The following LGI3 variants were observed in gnomAD, a reference collection of about 807,000 sequenced individuals.
LGI3 encodes the protein leucine rich repeat LGI family member 3, also known as leucine-rich repeat LGI family member 3.
A neutral mutation model predicts 55.4 loss-of-function variants in LGI3; 47 were observed. That is an observed-to-expected ratio of 0.85 (90% confidence interval 0.67 to 1.08). The LOEUF (loss-of-function observed/expected upper bound fraction) is 1.08, where lower values mean the gene tolerates loss of function less well. Among genes scored for constraint, LGI3 ranks in the 50% least tolerant of loss-of-function variants. The probability of loss-of-function intolerance (pLI) is 0.00; values close to 1 mark genes in which losing one functional copy is unlikely to be tolerated. For synonymous variants in LGI3, 326 were observed against 315.0 expected, an observed-to-expected ratio of 1.04 and a Z score of -0.37; for missense variants, 664 against 726.3, an observed-to-expected ratio of 0.91 and a Z score of 0.99.
intron 2 of LGI3, 73 bp downstream of exon 2, chr8:22,155,319 T>C: frequency 2.8e-6 from 4 of 1,412,200 alleles, no homozygotes; most frequent in Non-Finnish European, 3.0e-6. Flanking sequence ...ACTCTCCCTC[T>C]CCCCAGCCCA....
In LGI3 at chr8:22,156,711, T is replaced by C; in HGVS notation, c.-169A>G. 8.9e-6 allele frequency: 2 copies of C among 225,316 alleles called. No individual in the cohort carries two copies. Among genetic ancestry groups the C allele is most frequent in the Non-Finnish European group, 1.7e-5 (2 of 117,818 alleles). The allele number at this position is 225,316 out of a possible 1,614,324, so 14.0% of individuals were successfully genotyped here. A position where few individuals can be genotyped will look rare whatever the true frequency, so the allele number is the denominator to read the frequency against. ...CCCTCGGGCGCCGGCTGCGGTCCCC[T>C]CCCCTGCTCGCTCCCGCGATCCGGC... On this transcript the variant is annotated 5_prime_UTR_variant, in exon 1 of 8. Coordinates refer to ENST00000306317, the MANE Select transcript of LGI3 (RefSeq NM_139278.4).
Position 22,148,208 on chromosome 8 carries a change from C to G in LGI3, c.1599G>C (p.Lys533Asn). 1 of 1,613,592 alleles carries G rather than the reference C, an allele frequency of 6.2e-7. No individual in the cohort carries two copies. The highest frequency in any genetic ancestry group is 8.5e-7 in the Non-Finnish European group (1 of 1,179,778). ...TGTGTCTATACACCAGCGTCTGTCC[C>G]TTGAAGCTGGGGGCCAGGAGTAGCT... ...DAQLLLAPSF[K>N]GQTLVYRHIV... is the part of the protein sequence containing the mutation. The change falls in exon 8 of 8, where the codon AAG becomes AAC. Residue 533 changes from lysine to asparagine, a missense_variant. By Grantham distance (94) the Lys-to-Asn change is moderately conservative. Coordinates refer to ENST00000306317, the MANE Select transcript of LGI3 (RefSeq NM_139278.4). This position sits in a 1 kb window ranked among gnomAD's most constrained non-coding sequence, Gnocchi z 7.0.
chr8:22,148,480 T>C lies in LGI3; in HGVS notation c.1327A>G (p.Ile443Val), dbSNP rs769654658. 6.8e-6 allele frequency: 11 copies of C among 1,612,610 alleles called. No individual in the cohort carries two copies. The Admixed American group carries it at 1.0e-4, about 15-fold the overall frequency. ...CAGCGCAGGATCTTGGAGTCGCCAA[T>C]GTAGCGGCTGAGGCACAGGTAGCTG... ...RDSYLCLSRY[I>V]GDSKILRWEG... Residue 443 changes from isoleucine (I) to valine (V), a missense_variant, in exon 8 of 8, where the codon ATT (isoleucine) becomes GTT (valine). Ile to Val is a conservative substitution (Grantham distance 29). Transcript: ENST00000306317. The surrounding 1 kb of genome is among the most constrained non-coding windows in gnomAD (Gnocchi z 7.0).
Position 22,148,658 on chromosome 8 carries a change from G to A in LGI3, c.1149C>T (p.Asp383=), listed in dbSNP as rs749082426. 3.8e-5 allele frequency: 62 copies of A among 1,613,900 alleles called. No homozygotes were observed. The highest frequency in any genetic ancestry group is 1.3e-4 in the Admixed American group (8 of 60,004). ...WHRDTDLEFV[D]GEGKPRLIVS... ...CAATCAGCCGTGGCTTGCCCTCGCCGTCCACAAACTCCAGGTCGGTGTCAC... is the reference window on the plus strand; with the variant it reads ...CAATCAGCCGTGGCTTGCCCTCGCCATCCACAAACTCCAGGTCGGTGTCAC... Residue 383 remains aspartate, a synonymous_variant, in exon 8 of 8, where the codon GAC becomes GAT. Coordinates refer to ENST00000306317, the MANE Select transcript of LGI3 (RefSeq NM_139278.4). This position sits in a 1 kb window ranked among gnomAD's most constrained non-coding sequence, Gnocchi z 7.0.
intron 5 of LGI3, among the ~76,000 whole-genome samples, chr8:22,153,570 C>T (rs763534907): frequency 4.0e-5 from 6 of 151,898 alleles, no homozygotes; most frequent in Non-Finnish European, 5.9e-5. Context: ...GGCGTGGTGG[C>T]GCACACCTAT....
At chr8:22,153,540 A>T (rs1827407771) in intron 5 of LGI3, among the ~76,000 whole-genome samples, 1 of 151,822 alleles carries the variant, frequency 6.6e-6, no homozygotes, top group Non-Finnish European at 1.5e-5. Flanking sequence ...GTCTATACTA[A>T]AAATACAAAA....
rs963920704 is a variant in LGI3, at chr8:22,151,366, T to C, written c.829+123A>G. The C allele has an allele frequency of 2.1e-5, 19 of 915,000 alleles. No homozygotes were observed. The African/African-American group carries it at 2.2e-4, about 10-fold the overall frequency. The allele number at this position is 915,000 out of a possible 1,614,324, so 56.7% of individuals were successfully genotyped here. A position where few individuals can be genotyped will look rare whatever the true frequency, so the allele number is the denominator to read the frequency against. ...CCTCTTCCCAAAGACTGGAAAGTTC[T>C]TGTGGGCAGAGGGTATGTCTCATCT... On this transcript the variant is annotated intron_variant, in intron 7 of 7. Transcript: ENST00000306317.
rs764940344 is a variant in LGI3, at chr8:22,156,331, A to G, written c.206+6T>C. 1.9e-5 allele frequency: 31 copies of G among 1,609,984 alleles called. No homozygotes were observed. Among genetic ancestry groups the G allele is most frequent in the Non-Finnish European group, 1.4e-5 (16 of 1,179,034 alleles). On this transcript the variant is annotated splice_donor_region_variant and intron_variant, in intron 1 of 7. Coordinates refer to ENST00000306317, the MANE Select transcript of LGI3 (RefSeq NM_139278.4). The stretch of plus-strand genomic sequence containing the variant: ...CCAACCCCCAAGGCCAGGGCTGGAC[A>G]CTCACAGGGAGATGACCTCCGAGGG...
intron 4 of LGI3, 33 bp from the exon 5 acceptor site, chr8:22,154,072 C>T: frequency 1.2e-6 from 2 of 1,613,792 alleles, no homozygotes; most frequent in Non-Finnish European, 8.5e-7. Context: ...ATCTGAAGAT[C>T]ATGAGCAAGG....
At chr8:22,155,035 G>A (rs1252122199) in intron 2 of LGI3, 2 of 407,270 alleles carry the variant, frequency 4.9e-6, no homozygotes, top group South Asian at 2.9e-5. Context: ...GCTCTTTCTG[G>A]GAACTCTGAT....
intron 6 of LGI3, 63 bp from the exon 7 acceptor site, chr8:22,151,716 G>A: frequency 6.3e-7 from 1 of 1,584,626 alleles, no homozygotes; most frequent in Admixed American, 1.7e-5. Context: ...CTTGGGTGAT[G>A]GTGGTTGCTT....
chr8:22,148,592 A>G lies in LGI3; in HGVS notation c.1215T>C (p.Ser405=), dbSNP rs373498391. 2.5e-5 allele frequency: 41 copies of G among 1,613,492 alleles called. No individual in the cohort carries two copies. Among genetic ancestry groups the G allele is most frequent in the Non-Finnish European group, 3.2e-5 (38 of 1,179,948 alleles). The stretch of plus-strand genomic sequence containing the variant: ...GGGCCACAAACTGCTTCTGGGTGCG[A>G]CTCCACTGATAGATGACGGGTGCCT... ...SSQAPVIYQW[S]RTQKQFVAQG... The change falls in exon 8 of 8, where the codon AGT becomes AGC. Residue 405 remains serine (S), a synonymous_variant. Coordinates refer to ENST00000306317, the MANE Select transcript of LGI3 (RefSeq NM_139278.4). The surrounding 1 kb of genome is among the most constrained non-coding windows in gnomAD (Gnocchi z 7.0).
intron 2 of LGI3, chr8:22,154,920 C>A (rs961872763): frequency 6.2e-6 from 3 of 485,272 alleles, no homozygotes; most frequent in South Asian, 4.8e-5. Context: ...CCCTCTCCCC[C>A]ACCCTCATTC....
At chr8:22,154,936 C>G (rs760230201) in intron 2 of LGI3, 3 of 463,048 alleles carry the variant, frequency 6.5e-6, no homozygotes, top group Non-Finnish European at 1.2e-5. Context: ...CATTCTGTCC[C>G]ATTCCAGCCC....
intron 7 of LGI3, among the ~76,000 whole-genome samples, chr8:22,150,902 C>A (rs897809753): frequency 1.3e-4 from 20 of 151,694 alleles, no homozygotes; most frequent in Admixed American, 1.1e-3. Flanking sequence ...CCACCTTGAA[C>A]CTTATCCCTT....
intron 5 of LGI3, among the ~76,000 whole-genome samples, chr8:22,153,682 G>A (rs1827409498): frequency 6.6e-6 from 1 of 151,062 alleles, no homozygotes. Context: ...ACTCCAGCCT[G>A]GGTGACAGAG....
intron 5 of LGI3, among the ~76,000 whole-genome samples, chr8:22,153,509 T>C (rs1827407325): frequency 6.6e-6 from 1 of 151,152 alleles, no homozygotes; most frequent in Non-Finnish European, 1.5e-5. Flanking sequence ...GAGACCAGTC[T>C]GGCCAACATG....
chr8:22,156,248 G>A (rs949330109), intron 1 of LGI3, 89 bp downstream of exon 1: 6 of 1,382,354 alleles, frequency 4.3e-6, no homozygotes, highest in South Asian at 1.2e-5. Context: ...ACTCTGAAGA[G>A]GGGGAGCGGG....
intron 5 of LGI3, among the ~76,000 whole-genome samples, chr8:22,152,947 G>C (rs900669573): frequency 7.3e-5 from 11 of 151,354 alleles, no homozygotes; most frequent in African/African-American, 2.4e-4. Context: ...CTACTCAGGA[G>C]GCTGAGGCAG....
Sources: gnomAD v4.1 joint callset for allele counts (sites outside exome capture counted in the v4.1 genomes callset) on GRCh38, gnomAD v4.1.1 for gene constraint, Gnocchi (gnomAD v3.1) non-coding constraint, MANE v1.5 for transcripts, NCBI Gene and HGNC (gene_info 2026-07-23, HGNC 2026-07-21) for gene names.